SORL1: variants seen among roughly 807,000 people sequenced by gnomAD.
SORL1 encodes sortilin-related receptor.
A neutral mutation model predicts 273.7 loss-of-function variants in SORL1; 127 were observed. The ratio of observed to expected loss-of-function variants is 0.46; its 90% CI spans 0.40 to 0.54. The LOEUF (loss-of-function observed/expected upper bound fraction) is 0.54, where lower values mean the gene tolerates loss of function less well. Among genes scored for constraint, SORL1 ranks in the 20% least tolerant of loss-of-function variants. The pLI is 0.00. For missense variants in SORL1, 2,494 were observed against 2,846.1 expected (o/e 0.88, Z 2.81); for synonymous variants, 1,031 against 1,067.4 (o/e 0.97, Z 0.66).
chr11:121,523,504 A>G (rs985898065), intron 11 of SORL1, among the ~76,000 whole-genome samples: 3 of 152,126 alleles, frequency 2.0e-5, no homozygotes, highest in African/African-American at 4.8e-5. Flanking sequence ...TTAAGGTTGT[A>G]TAACTAATAT....
At chr11:121,574,431 G>A in intron 24 of SORL1, 68 bp downstream of exon 24, 4 of 1,377,252 alleles carry the variant, frequency 2.9e-6, no homozygotes, top group Non-Finnish European at 4.1e-6. Context: ...TCACAGGGCT[G>A]TACTGGTATG....
rs373408828 is a variant in SORL1 at position 121,606,984 on chromosome 11, ATG to A, written c.5061+33_5061+34del. ...TAAGTACCTTCCATGAGTTGGCTGT[ATG>A]TGTGTTGGGGGTGCTAGGAGATTTC... On this transcript the variant is annotated intron_variant, in intron 36 of 47. Coordinates refer to ENST00000260197, the MANE Select transcript of SORL1 (RefSeq NM_003105.6). 21 of 1,525,786 alleles carry A rather than the reference ATG, an allele frequency of 1.4e-5. No homozygotes were observed. The African/African-American group carries it at 2.7e-4, about 20-fold the overall frequency. The allele number at this position is 1,525,786 out of a possible 1,614,324, so 94.5% of individuals were successfully genotyped here.
chr11:121,520,715 T>C lies in SORL1; in HGVS notation c.1270T>C (p.Tyr424His). 9.3e-6 allele frequency: 15 copies of C among 1,608,920 alleles called. No homozygotes were observed. Among genetic ancestry groups the C allele is most frequent in the African/African-American group, 1.3e-5 (1 of 74,836 alleles). The change falls in exon 9 of 48, where the codon TAC becomes CAC. Residue 424 changes from tyrosine (Y) to histidine (H), a missense_variant. This residue lies in a region of SORL1 where 710 missense variants were observed against 882.5 expected (regional missense o/e 0.80). Transcript: ENST00000260197. Reference protein sequence around the residue: ...FHRVEGLQGVYIATLINGSMN... With the variant: ...FHRVEGLQGVHIATLINGSMN... ...CCGAGTGGAAGGATTGCAAGGAGTC[T>C]ACATTGCTACTCTGATTAATGGTTC... is the stretch of plus-strand genomic sequence containing the variant.
rs938873822 is a variant in SORL1 at position 121,503,712 on chromosome 11, C to G, written c.939+6663C>G. Among the ~76,000 whole-genome samples, 3 of 152,192 alleles carry G rather than the reference C, an allele frequency of 2.0e-5. No individual in the cohort carries two copies. The East Asian group carries it at 5.8e-4, about 29-fold the overall frequency. On this transcript the variant is annotated intron_variant, in intron 6 of 47. Transcript: ENST00000260197. The stretch of plus-strand genomic sequence containing the variant: ...CCAGGCCACTGCACCTGGCCTGTTT[C>G]TGGACTCTTAATTCTATTCCATTAA...
At chr11:121,529,138 A>G (rs1295755991) in intron 11 of SORL1, among the ~76,000 whole-genome samples, 1 of 152,106 alleles carries the variant, frequency 6.6e-6, no homozygotes, top group Non-Finnish European at 1.5e-5. Context: ...CTCTTTATCT[A>G]TTGTAATGCC....
chr11:121,570,964 A>T (rs1862833088), intron 23 of SORL1, among the ~76,000 whole-genome samples: 1 of 152,226 alleles, frequency 6.6e-6, no homozygotes, highest in South Asian at 2.1e-4. Context: ...ACATTATCTT[A>T]TAAGGAGATG....
In SORL1 at chr11:121,591,041, G is replaced by C; in HGVS notation, c.4254G>C (p.Thr1418=). The C allele has an allele frequency of 1.2e-6, 2 of 1,614,184 alleles. No individual in the cohort carries two copies. Among genetic ancestry groups the C allele is most frequent in the Non-Finnish European group, 1.7e-6 (2 of 1,180,024 alleles). The change falls in exon 31 of 48, where the codon ACG becomes ACC. Residue 1418 remains threonine, a synonymous_variant. Transcript: ENST00000260197. ...ILPFSTPGPS[T]CLPNYYRCSS... ...CCTTCTCGACTCCTGGGCCCTCCACGTGTCTGCCCAATTACTACCGCTGCA... is the reference window on the plus strand; with the variant it reads ...CCTTCTCGACTCCTGGGCCCTCCACCTGTCTGCCCAATTACTACCGCTGCA...
At chr11:121,577,233 C>A (rs1422348174) in intron 24 of SORL1, 48 bp from the exon 25 acceptor site, 1 of 1,543,496 alleles carries the variant, frequency 6.5e-7, no homozygotes, top group South Asian at 1.3e-5. Flanking sequence ...AGACAAAATT[C>A]TGAACAAGCT....
intron 12 of SORL1, among the ~76,000 whole-genome samples, chr11:121,540,872 A>G (rs550368539): frequency 6.6e-6 from 1 of 152,380 alleles, no homozygotes; most frequent in East Asian, 1.9e-4. Flanking sequence ...TAACTTGGCA[A>G]CGTACACATA....
intron 26 of SORL1, 141 bp from the exon 27 acceptor site, chr11:121,586,081 G>A: frequency 4.5e-6 from 3 of 667,592 alleles, no homozygotes; most frequent in Non-Finnish European, 8.4e-6. Context: ...GTCAAAGTGT[G>A]TATACATTTG....
chr11:121,535,512 C>G (rs1862255344), intron 12 of SORL1, among the ~76,000 whole-genome samples: 1 of 152,074 alleles, frequency 6.6e-6, no homozygotes, highest in African/African-American at 2.4e-5. Context: ...GAGCCAGATG[C>G]AGAGAGAGAG....
At position 121,557,338 on chromosome 11, in the gene SORL1, C is replaced by T. The variant is rs1229933491; in HGVS notation, c.2596C>T (p.Arg866Ter). Residue 866 changes from arginine (R) to a stop codon, truncating the protein, a stop_gained, in exon 19 of 48, where the codon CGA becomes TGA. Coordinates refer to ENST00000260197, the MANE Select transcript of SORL1 (RefSeq NM_003105.6). LOFTEE classifies it high-confidence loss of function. The stretch of plus-strand genomic sequence containing the variant: ...GGTAGCTAATCCAGATGGCGACTTC[C>T]GACTCACAATCGTCAATTCCTCTGT... ...IEVANPDGDF[R>*]LTIVNSSVLD... The T allele has an allele frequency of 5.6e-6, 9 of 1,613,962 alleles. No homozygotes were observed. Among genetic ancestry groups the T allele is most frequent in the South Asian group, 1.1e-5 (1 of 91,080 alleles).
At chr11:121,611,326 C>A in intron 39 of SORL1, 168 bp downstream of exon 39, 1 of 519,168 alleles carries the variant, frequency 1.9e-6, no homozygotes, top group East Asian at 3.1e-5. Context: ...TTCCTTCCCC[C>A]ATGAAGAACA....
At chr11:121,494,696 GA>G (rs1450714375) in intron 5 of SORL1, among the ~76,000 whole-genome samples, 1 of 152,194 alleles carries the variant, frequency 6.6e-6, no homozygotes, top group Admixed American at 6.5e-5. Context: ...TCCAAATATG[GA>G]TTACGGAAGA....
chr11:121,589,990 G>C (rs1565346876), intron 29 of SORL1, 50 bp from the exon 30 acceptor site: 15 of 1,602,954 alleles, frequency 9.4e-6, no homozygotes, highest in Non-Finnish European at 1.3e-5. Context: ...GGAGCCCTGT[G>C]TTCACACTGA....
chr11:121,519,304 T>C (rs1332662020), intron 8 of SORL1, among the ~76,000 whole-genome samples: 4 of 152,166 alleles, frequency 2.6e-5, no homozygotes, highest in African/African-American at 7.2e-5. Context: ...AGAGATCCGC[T>C]CTATTTGTAA....
intron 8 of SORL1, among the ~76,000 whole-genome samples, chr11:121,519,914 C>G (rs566219026): frequency 1.5e-4 from 23 of 152,148 alleles, no homozygotes; most frequent in African/African-American, 4.1e-4. Context: ...GTCAGACAAG[C>G]CTTTTGACCC....
At position 121,550,912 on chromosome 11, in the gene SORL1, C is replaced by T. The variant is rs1862499469; in HGVS notation, c.2266+242C>T. ...CAGCTCAGTTTCTTTGAGGGAAATC[C>T]CTTTGTTAATTGAAAAATATTTATT... On this transcript the variant is annotated intron_variant, in intron 16 of 47. Transcript: ENST00000260197. This position sits in a 1 kb window ranked among gnomAD's most constrained non-coding sequence, Gnocchi z 5.3. Among the ~76,000 whole-genome samples the T allele has an allele frequency of 6.6e-6, 1 of 152,088 alleles. No individual in the cohort carries two copies. Among genetic ancestry groups the T allele is most frequent in the Non-Finnish European group, 1.5e-5 (1 of 68,030 alleles).
At chr11:121,486,696 G>A (rs753727014) in intron 3 of SORL1, among the ~76,000 whole-genome samples, 15 of 151,890 alleles carry the variant, frequency 9.9e-5, no homozygotes, top group Middle Eastern at 3.4e-3. Flanking sequence ...AGCCAGGATG[G>A]TCTCGATCTC....
Sources: gnomAD v4.1 joint callset for allele counts (sites outside exome capture counted in the v4.1 genomes callset) on GRCh38, gnomAD v4.1.1 for gene constraint, gnomAD v4.1.1 regional missense constraint, Gnocchi (gnomAD v3.1) non-coding constraint, MANE v1.5 for transcripts, NCBI Gene and HGNC (gene_info 2026-07-23, HGNC 2026-07-21) for gene names.